ZNRF3: variants seen among roughly 807,000 people sequenced by gnomAD.
ZNRF3 encodes zinc and ring finger 3, also known as E3 ubiquitin-protein ligase ZNRF3.
In ZNRF3, 23 loss-of-function variants were observed where a neutral mutation model predicts 72.5. That is an observed-to-expected ratio of 0.32 (90% confidence interval 0.23 to 0.45). The LOEUF is 0.45. Among genes scored for constraint, ZNRF3 ranks in the 20% least tolerant of loss-of-function variants. The pLI is 1.00. For missense variants in ZNRF3, 1,169 were observed against 1,272.1 expected, an observed-to-expected ratio of 0.92 and a Z score of 1.23; for synonymous variants, 610 against 545.3, an observed-to-expected ratio of 1.12 and a Z score of -1.65.
At chr22:28,980,186 G>T (rs1242764557) in intron 1 of ZNRF3, among the ~76,000 whole-genome samples, 1 of 152,044 alleles carries the variant, frequency 6.6e-6, no homozygotes. Flanking sequence ...GGGGCATAGA[G>T]TGTGGAAGTA....
intron 1 of ZNRF3, among the ~76,000 whole-genome samples, chr22:28,947,280 G>A (rs2035070099): frequency 6.6e-6 from 1 of 152,124 alleles, no homozygotes; most frequent in Non-Finnish European, 1.5e-5. Flanking sequence ...AGGCATTTGG[G>A]TTGTTTTCAC....
rs778703969 is a variant in ZNRF3 at position 29,044,807 on chromosome 22, A to G, written c.661A>G (p.Ile221Val). 1.1e-5 allele frequency: 17 copies of G among 1,613,838 alleles called. No individual in the cohort carries two copies. Among genetic ancestry groups the G allele is most frequent in the African/African-American group, 2.7e-5 (2 of 74,870 alleles). ...RQPTEYFDMGIFLAFFVVVSL... is the reference protein window; with the variant it reads ...RQPTEYFDMGVFLAFFVVVSL... ...ACCCACTGAATACTTTGACATGGGG[A>G]TTTTCCTGGCTTTCTTCGTCGTGGT... The change falls in exon 5 of 9, where the codon ATT (isoleucine) becomes GTT (valine). Residue 221 changes from isoleucine to valine, a missense_variant. Ile to Val is a conservative substitution (Grantham distance 29). Coordinates refer to ENST00000544604, the MANE Select transcript of ZNRF3 (RefSeq NM_001206998.2).
chr22:28,930,979 G>T (rs1200957565), intron 1 of ZNRF3, among the ~76,000 whole-genome samples: 1 of 152,176 alleles, frequency 6.6e-6, no homozygotes, highest in African/African-American at 2.4e-5. Context: ...CAGGCAGGGG[G>T]TGAGAATACC....
chr22:28,898,237 T>C (rs1197764363), intron 1 of ZNRF3, among the ~76,000 whole-genome samples: 1 of 152,234 alleles, frequency 6.6e-6, no homozygotes. Context: ...CGTGAGCCAC[T>C]GTGCCCAGCC....
At chr22:29,015,007 T>G (rs2036408988) in intron 2 of ZNRF3, among the ~76,000 whole-genome samples, 1 of 152,250 alleles carries the variant, frequency 6.6e-6, no homozygotes. Context: ...GGGTGTGCTC[T>G]GATGCTTCCT....
At chr22:28,965,317 T>C (rs1601609271) in intron 1 of ZNRF3, among the ~76,000 whole-genome samples, 1 of 152,236 alleles carries the variant, frequency 6.6e-6, no homozygotes, top group South Asian at 2.1e-4. Flanking sequence ...ACATTTACTA[T>C]GTGCTTGCCT....
chr22:29,050,512 G>C lies in ZNRF3; in HGVS notation c.2331G>C (p.Leu777=). The C allele has an allele frequency of 6.2e-7, 1 of 1,612,480 alleles. No individual in the cohort carries two copies. Among genetic ancestry groups the C allele is most frequent in the Non-Finnish European group, 8.5e-7 (1 of 1,179,766 alleles). ...PRTDGVKYEG[L]PCCFYEEKQV... ...CAGATGGGGTGAAATACGAGGGTCT[G>C]CCCTGCTGCTTCTATGAAGAGAAGC... The change falls in exon 8 of 9, where the codon CTG becomes CTC. Residue 777 remains leucine (L), a synonymous_variant. Transcript: ENST00000544604.
intron 2 of ZNRF3, chr22:29,025,368 C>CCTT (rs959211362): frequency 6.6e-6 from 1 of 152,326 alleles, no homozygotes; most frequent in African/African-American, 2.4e-5. Context: ...TGCTGGCTGG[C>CCTT]CTTCTCTTCC....
intron 1 of ZNRF3, among the ~76,000 whole-genome samples, chr22:28,900,656 A>T (rs931153390): frequency 6.6e-6 from 1 of 152,206 alleles, no homozygotes; most frequent in Non-Finnish European, 1.5e-5. Flanking sequence ...CTCAAGCCTC[A>T]TCACACAAAA....
At chr22:29,032,469 C>T (rs117519820) in intron 2 of ZNRF3, among the ~76,000 whole-genome samples, 7 of 152,128 alleles carry the variant, frequency 4.6e-5, no homozygotes, top group East Asian at 1.9e-4. Context: ...TGTCTGCATT[C>T]GAACTGACAA....
intron 1 of ZNRF3, among the ~76,000 whole-genome samples, chr22:28,920,523 G>A (rs1029727912): frequency 1.3e-5 from 2 of 151,952 alleles, no homozygotes; most frequent in Admixed American, 6.6e-5. Context: ...CACCCACCTC[G>A]GCCTCCCAGA....
intron 1 of ZNRF3, among the ~76,000 whole-genome samples, chr22:28,983,110 T>G (rs1357672083): frequency 6.6e-6 from 1 of 152,170 alleles, no homozygotes; most frequent in Non-Finnish European, 1.5e-5. Flanking sequence ...ACTGGCACTT[T>G]AGAAAAATTC....
chr22:29,025,892 T>A (rs1418125670), intron 2 of ZNRF3: 4 of 152,220 alleles, frequency 2.6e-5, no homozygotes, highest in African/African-American at 7.2e-5. Flanking sequence ...GGGGCATTGA[T>A]GGGATTGTGA....
intron 1 of ZNRF3, among the ~76,000 whole-genome samples, chr22:28,891,491 T>G (rs1020467024): frequency 6.6e-6 from 1 of 152,244 alleles, no homozygotes; most frequent in Non-Finnish European, 1.5e-5. Context: ...AATGATCAAG[T>G]GCTTATTGTG....
intron 5 of ZNRF3, 32 bp from the exon 6 acceptor site, chr22:29,046,684 G>A (rs765910458): frequency 1.8e-5 from 28 of 1,552,014 alleles, no homozygotes; most frequent in South Asian, 5.1e-5. Context: ...ATACGTACTG[G>A]ACCCTCACAC....
At chr22:28,929,812 G>A (rs968635752) in intron 1 of ZNRF3, among the ~76,000 whole-genome samples, 5 of 152,110 alleles carry the variant, frequency 3.3e-5, no homozygotes, top group Non-Finnish European at 7.4e-5. Flanking sequence ...TTGAAGCAGG[G>A]AATGATTTAA....
At chr22:28,906,213 A>G (rs2034205105) in intron 1 of ZNRF3, among the ~76,000 whole-genome samples, 1 of 152,188 alleles carries the variant, frequency 6.6e-6, no homozygotes, top group African/African-American at 2.4e-5. Flanking sequence ...TGTAGTCCCA[A>G]CTACTCAGGA....
chr22:29,023,954 C>T (rs975657416), intron 2 of ZNRF3, among the ~76,000 whole-genome samples: 8 of 152,142 alleles, frequency 5.3e-5, no homozygotes, highest in Non-Finnish European at 1.0e-4. Context: ...TCTCCACTTA[C>T]CCACAAACCA....
At chr22:29,015,378 C>T (rs1439139369) in intron 2 of ZNRF3, among the ~76,000 whole-genome samples, 31 of 152,118 alleles carry the variant, frequency 2.0e-4, no homozygotes, top group Non-Finnish European at 2.9e-5. Flanking sequence ...GGTTAATATT[C>T]TTCCTTCCAG....
Sources: gnomAD v4.1 joint callset for allele counts (sites outside exome capture counted in the v4.1 genomes callset) on GRCh38, gnomAD v4.1.1 for gene constraint, MANE v1.5 for transcripts, NCBI Gene and HGNC (gene_info 2026-07-23, HGNC 2026-07-21) for gene names.